The following NME9 variants were observed in gnomAD, a reference collection of about 807,000 sequenced individuals.
NME9 encodes NME/NM23 family member 9, also known as thioredoxin domain-containing protein 6.
A neutral mutation model predicts 44.4 loss-of-function variants in NME9; 48 were observed. The ratio of observed to expected loss-of-function variants is 1.08; its 90% CI spans 0.86 to 1.37. NME9 has a LOEUF of 1.37. Among genes scored for constraint, NME9 ranks in the 40% most tolerant of loss-of-function variants. The pLI is 0.00. For missense variants in NME9, 325 were observed against 405.2 expected (o/e 0.80, Z 1.70); for synonymous variants, 139 against 147.1 (o/e 0.94, Z 0.40).
chr3:138,267,280 C>T, intron 8 of NME9: 3 of 1,251,966 alleles, frequency 2.4e-6, no homozygotes, highest in Non-Finnish European at 3.3e-6. Flanking sequence ...TTGCCCAGTC[C>T]AGCTAGAGCT....
Position 138,315,643 on chromosome 3 carries a change from C to G in NME9, c.268G>C (p.Gly90Arg). The G allele has an allele frequency of 6.5e-7, 1 of 1,531,834 alleles. No homozygotes were observed. The highest frequency in any genetic ancestry group is 8.8e-7 in the Non-Finnish European group (1 of 1,142,652). 94.9% of individuals were successfully genotyped at this position (1,531,834 alleles called of 1,614,324 possible). A position where few individuals can be genotyped will look rare whatever the true frequency, so the allele number is the denominator to read the frequency against. The change falls in exon 5 of 11, where the codon GGA (glycine) becomes CGA (arginine). Residue 90 changes from glycine (G) to arginine (R), a missense_variant and splice_region_variant. By Grantham distance (125) the Gly-to-Arg change is moderately radical. Coordinates refer to ENST00000333911, the MANE Select transcript of NME9 (RefSeq NM_001349018.2). ...CTAACCACAGCCACCAGTTCTCCTC[C>G]CTAGAATACGTTACAAACAGCATGA... Reference protein sequence around the residue: ...KCEPTFLFYAGGELVAVVRGA... With the variant: ...KCEPTFLFYARGELVAVVRGA...
chr3:138,324,767 G>T lies in NME9; in HGVS notation c.91+106C>A, dbSNP rs1249196444. The stretch of plus-strand genomic sequence containing the variant: ...CACCTGGTTTTTTATGAGGCTCAAG[G>T]TAATAGGAAAGTGGTGTTCATTGCA... On this transcript the variant is annotated intron_variant, in intron 2 of 10. Coordinates refer to ENST00000333911, the MANE Select transcript of NME9 (RefSeq NM_001349018.2). 3 of 823,284 alleles carry T rather than the reference G, an allele frequency of 3.6e-6. No homozygotes were observed. In the African/African-American group the frequency reaches 5.1e-5, roughly 14 times the overall value. 51.0% of individuals were successfully genotyped at this position (823,284 alleles called of 1,614,324 possible).
At chr3:138,268,500 AG>A (rs1186467080) in intron 8 of NME9, among the ~76,000 whole-genome samples, 1 of 152,204 alleles carries the variant, frequency 6.6e-6, no homozygotes, top group African/African-American at 2.4e-5. Flanking sequence ...CAGGATATTT[AG>A]GGTCTAGTTA....
At chr3:138,322,719 A>C (rs2053551765) in intron 2 of NME9, among the ~76,000 whole-genome samples, 1 of 152,184 alleles carries the variant, frequency 6.6e-6, no homozygotes, top group Non-Finnish European at 1.5e-5. Context: ...CCTGATGAGA[A>C]GGAGCAAAGA....
intron 8 of NME9, among the ~76,000 whole-genome samples, chr3:138,268,069 C>A (rs917626092): frequency 6.6e-6 from 1 of 151,980 alleles, no homozygotes; most frequent in Non-Finnish European, 1.5e-5. Context: ...ATGGTGAAAC[C>A]CCATCTCTGC....
intron 8 of NME9, among the ~76,000 whole-genome samples, chr3:138,281,099 A>C (rs934157398): frequency 5.3e-5 from 8 of 152,200 alleles, no homozygotes; most frequent in Admixed American, 3.3e-4. Flanking sequence ...AAAAATTACC[A>C]AAAGAGACAG....
intron 8 of NME9, among the ~76,000 whole-genome samples, chr3:138,291,641 G>A (rs1456921199): frequency 6.6e-6 from 1 of 152,182 alleles, no homozygotes; most frequent in Non-Finnish European, 1.5e-5. Flanking sequence ...GCAAGGTGAA[G>A]GAATGGAGAA....
intron 6 of NME9, among the ~76,000 whole-genome samples, chr3:138,308,969 A>C (rs866565790): frequency 2.1e-4 from 31 of 148,116 alleles, no homozygotes; most frequent in African/African-American, 7.9e-4. Flanking sequence ...AAAAAAAAAA[A>C]CTGTCATCCA....
At chr3:138,291,219 A>C (rs1218021646) in intron 8 of NME9, among the ~76,000 whole-genome samples, 1 of 152,210 alleles carries the variant, frequency 6.6e-6, no homozygotes, top group Non-Finnish European at 1.5e-5. Flanking sequence ...CAAATCAGGG[A>C]ACATCAGTAC....
intron 8 of NME9, among the ~76,000 whole-genome samples, chr3:138,291,422 C>T (rs1042892650): frequency 6.6e-6 from 1 of 152,226 alleles, no homozygotes; most frequent in African/African-American, 2.4e-5. Flanking sequence ...GTCTCCTCTC[C>T]TCTGAGTCCC....
intron 8 of NME9, among the ~76,000 whole-genome samples, chr3:138,288,677 C>T (rs1166852294): frequency 1.4e-5 from 2 of 138,578 alleles, no homozygotes; most frequent in Admixed American, 7.9e-5. Context: ...CTCGCTCTGT[C>T]ACCCAGGCTG....
In NME9 at chr3:138,273,165, T is replaced by C. The variant is rs762607118; in HGVS notation, c.746-10579A>G. On this transcript the variant is annotated intron_variant, in intron 8 of 8. Transcript: ENST00000317876. Reference sequence around the variant, plus strand: ...CAAATTAGCTAGCCCTGCATATGCATTGCAAGACATTGCTCTCTCTCTGTG... The same window carrying C: ...CAAATTAGCTAGCCCTGCATATGCACTGCAAGACATTGCTCTCTCTCTGTG... The C allele has an allele frequency of 3.2e-5, 49 of 1,526,326 alleles. 1 individual carries two copies. The highest frequency in any genetic ancestry group is 2.5e-5 in the South Asian group (2 of 80,974). The allele number at this position is 1,526,326 out of a possible 1,614,324, so 94.5% of individuals were successfully genotyped here.
intron 8 of NME9, among the ~76,000 whole-genome samples, chr3:138,277,541 A>G (rs2049417725): frequency 6.6e-6 from 1 of 152,242 alleles, no homozygotes; most frequent in Non-Finnish European, 1.5e-5. Context: ...AGAATTCTCA[A>G]AACAACAAGA....
chr3:138,324,836 A>G (rs747181427), intron 2 of NME9, 37 bp downstream of exon 2: 1 of 1,489,740 alleles, frequency 6.7e-7, no homozygotes, highest in Admixed American at 1.7e-5. Context: ...TAATTTAGAA[A>G]AGAATGGATC....
intron 6 of NME9, among the ~76,000 whole-genome samples, chr3:138,308,625 A>G (rs191644791): frequency 6.6e-6 from 1 of 152,352 alleles, no homozygotes. Context: ...AATAAGAACT[A>G]AGGAAATAAC....
chr3:138,296,045 T>G, downstream of NME9: 1 of 605,684 alleles, frequency 1.7e-6, no homozygotes, highest in Non-Finnish European at 2.7e-6. Context: ...GATCTCAAAT[T>G]CATCTTGAGA....
At chr3:138,317,929 T>C (rs1366963903) in intron 4 of NME9, among the ~76,000 whole-genome samples, 2 of 152,112 alleles carry the variant, frequency 1.3e-5, no homozygotes, top group African/African-American at 4.8e-5. Flanking sequence ...GCAGCTTGTA[T>C]CACCAGTTAG....
intron 8 of NME9, among the ~76,000 whole-genome samples, chr3:138,276,605 G>A (rs547991777): frequency 6.6e-6 from 1 of 152,144 alleles, no homozygotes; most frequent in Non-Finnish European, 1.5e-5. Flanking sequence ...GATAGAAAAG[G>A]CAGTTGTATT....
chr3:138,309,979 A>G (rs1310216616), intron 6 of NME9, among the ~76,000 whole-genome samples: 2 of 151,980 alleles, frequency 1.3e-5, no homozygotes, highest in African/African-American at 4.8e-5. Flanking sequence ...GTGAGCCAAG[A>G]TCATGCTAGC....
Sources: gnomAD v4.1 joint callset for allele counts (sites outside exome capture counted in the v4.1 genomes callset) on GRCh38, gnomAD v4.1.1 for gene constraint, MANE v1.5 for transcripts, NCBI Gene and HGNC (gene_info 2026-07-23, HGNC 2026-07-21) for gene names.